The following GGT5 variants were observed in gnomAD, a reference collection of about 807,000 sequenced individuals.
GGT5 encodes glutathione hydrolase 5 proenzyme.
In GGT5, 50 loss-of-function variants were observed where a neutral mutation model predicts 58.1. The ratio of observed to expected loss-of-function variants is 0.86; its 90% confidence interval spans 0.69 to 1.09. The LOEUF is 1.09. Among genes scored for constraint, GGT5 ranks in the 50% least tolerant of loss-of-function variants. GGT5 has a pLI of 0.00. For missense variants in GGT5, 800 were observed against 789.4 expected, an observed-to-expected ratio of 1.01 and a Z score of -0.16; for synonymous variants, 370 against 346.1, an observed-to-expected ratio of 1.07 and a Z score of -0.77.
Position 24,245,008 on chromosome 22 carries a change from A to G in GGT5, c.-283T>C. 1 of 457,140 alleles carries G rather than the reference A, an allele frequency of 2.2e-6. No individual in the cohort carries two copies. Among genetic ancestry groups the G allele is most frequent in the Non-Finnish European group, 3.9e-6 (1 of 255,242 alleles). 28.3% of individuals were successfully genotyped at this position (457,140 alleles called of 1,614,324 possible). On this transcript the variant is annotated 5_prime_UTR_variant, in exon 1 of 12. Transcript: ENST00000327365. ...CTGAACAGCGGGCTGCCAGATGGAC[A>G]GATGGGTGAATGGACAGATGGCTGG...
chr22:24,225,049 T>TG lies in GGT5; in HGVS notation c.1560dup (p.Ile521HisfsTer75). ...CAGCCCTTGCTGTTGACATGCAGGATGGGGGCTGCAATGGCCGCTCTCAGG... is the reference window on the plus strand; with the variant it reads ...CAGCCCTTGCTGTTGACATGCAGGATGGGGGGCTGCAATGGCCGCTCTCAGG... On this transcript the variant is annotated frameshift_variant, in exon 11 of 12. Transcript: ENST00000327365. LOFTEE classifies it high-confidence loss of function. 1 of 1,601,902 alleles carries TG rather than the reference T, an allele frequency of 6.2e-7. No individual in the cohort carries two copies. Among genetic ancestry groups the TG allele is most frequent in the Non-Finnish European group, 8.5e-7 (1 of 1,174,238 alleles).
chr22:24,244,846 G>A lies in GGT5; in HGVS notation c.-121C>T. ...GGTAATTGGACAGATGGACAAACAG[G>A]TGGGGGCTGAAGACAGACACGAAGA... On this transcript the variant is annotated 5_prime_UTR_variant, in exon 1 of 12. Coordinates refer to ENST00000327365, the MANE Select transcript of GGT5 (RefSeq NM_004121.5). 1.4e-6 allele frequency: 2 copies of A among 1,447,302 alleles called. No homozygotes were observed. Among genetic ancestry groups the A allele is most frequent in the Non-Finnish European group, 9.1e-7 (1 of 1,100,172 alleles). The allele number at this position is 1,447,302 out of a possible 1,614,324, so 89.7% of individuals were successfully genotyped here.
At chr22:24,238,938 TAA>T (rs2048245065) in intron 1 of GGT5, among the ~76,000 whole-genome samples, 2 of 22,676 alleles carry the variant, frequency 8.8e-5, no homozygotes, top group East Asian at 1.3e-3. Context: ...ATATATTATA[TAA>T]TATATATATA....
chr22:24,230,868 C>T (rs1468018781), intron 6 of GGT5, among the ~76,000 whole-genome samples: 1 of 152,182 alleles, frequency 6.6e-6, no homozygotes, highest in Non-Finnish European at 1.5e-5. Context: ...ACCTAGATAT[C>T]GGGCTTCTGG....
At chr22:24,226,911 C>A (rs1161797926) in intron 6 of GGT5, 144 bp from the exon 7 acceptor site, 3 of 452,566 alleles carry the variant, frequency 6.6e-6, no homozygotes, top group East Asian at 3.6e-5. Context: ...ACAAGAGTGA[C>A]TAATACCTTA....
chr22:24,230,335 TCTA>T (rs2047900824), intron 6 of GGT5, among the ~76,000 whole-genome samples: 3 of 149,208 alleles, frequency 2.0e-5, no homozygotes, highest in Admixed American at 6.8e-5. Flanking sequence ...GCCATTGCAC[TCTA>T]GCCTGGGTGA....
chr22:24,233,675 G>T, intron 2 of GGT5, 82 bp from the exon 3 acceptor site: 2 of 897,328 alleles, frequency 2.2e-6, no homozygotes, highest in Non-Finnish European at 1.7e-6. Context: ...TTCCATCTCT[G>T]CATTATGAGA....
At chr22:24,238,344 A>G (rs1480295812) in intron 1 of GGT5, among the ~76,000 whole-genome samples, 3 of 152,040 alleles carry the variant, frequency 2.0e-5, no homozygotes, top group African/African-American at 7.2e-5. Context: ...AGTCTGGCGA[A>G]TATGGTGAAA....
chr22:24,238,846 TTA>T (rs1569371831), intron 1 of GGT5, among the ~76,000 whole-genome samples: 4 of 11,794 alleles, frequency 3.4e-4, no homozygotes, highest in African/African-American at 1.5e-3. Context: ...TATATATATA[TTA>T]TATATATTAT....
Position 24,225,242 on chromosome 22 carries a change from CACCTG to C in GGT5, c.1501_1503+2del. ...ACACTCGAGCCAGGAGCCCCAGACT[CACCTG>C]GGCCACAGCAGAGATGATGAGCTCC... is the stretch of plus-strand genomic sequence containing the variant. On this transcript the variant is annotated splice_donor_variant and coding_sequence_variant, in exon 10 of 12. Transcript: ENST00000327365. LOFTEE classifies it high-confidence loss of function. 1 of 1,612,560 alleles carries C rather than the reference CACCTG, an allele frequency of 6.2e-7. No homozygotes were observed. Among genetic ancestry groups the C allele is most frequent in the South Asian group, 1.1e-5 (1 of 91,050 alleles).
intron 6 of GGT5, 100 bp from the exon 7 acceptor site, chr22:24,226,867 A>G: frequency 1.0e-6 from 1 of 969,328 alleles, no homozygotes. Context: ...CCACATCCTA[A>G]TTCCCAAAAC....
chr22:24,237,252 G>A (rs1258907259), intron 1 of GGT5, among the ~76,000 whole-genome samples: 1 of 151,930 alleles, frequency 6.6e-6, no homozygotes, highest in Non-Finnish European at 1.5e-5. Flanking sequence ...ATGCCATAAT[G>A]CCCCACACGT....
upstream of GGT5, chr22:24,245,089 A>C (rs2048438662): frequency 4.5e-6 from 1 of 224,114 alleles, no homozygotes; most frequent in Admixed American, 5.2e-5. Context: ...GGCCAAACTC[A>C]CGCCTCAACT....
At chr22:24,234,421 G>T (rs990927601) in intron 1 of GGT5, among the ~76,000 whole-genome samples, 6 of 152,200 alleles carry the variant, frequency 3.9e-5, no homozygotes, top group Non-Finnish European at 8.8e-5. Flanking sequence ...ACTACTTCAA[G>T]GCTGGCCTTT....
At chr22:24,227,671 C>T (rs1199763116) in intron 6 of GGT5, among the ~76,000 whole-genome samples, 1 of 152,046 alleles carries the variant, frequency 6.6e-6, no homozygotes, top group African/African-American at 2.4e-5. Flanking sequence ...AGAGGAGAAA[C>T]CAGTATGATC....
chr22:24,219,918 G>A lies in GGT5; in HGVS notation c.*52C>T. Reference sequence around the variant, plus strand: ...TTGGTCCCCCAGCCATGTCCGGCCTGGACACAGGACTCATGGTGGGGCCAG... The same window carrying A: ...TTGGTCCCCCAGCCATGTCCGGCCTAGACACAGGACTCATGGTGGGGCCAG... On this transcript the variant is annotated 3_prime_UTR_variant, in exon 12 of 12. Transcript: ENST00000327365. 1 of 1,585,364 alleles carries A rather than the reference G, an allele frequency of 6.3e-7. No homozygotes were observed. Among genetic ancestry groups the A allele is most frequent in the Non-Finnish European group, 8.6e-7 (1 of 1,156,344 alleles).
chr22:24,226,532 C>T lies in GGT5; in HGVS notation c.1038+99G>A, dbSNP rs892004232. ...CCTGGCCTAGAACCACATACATATC[C>T]CTCCAACTTCCCCCTACCAGGCCTG... On this transcript the variant is annotated intron_variant, in intron 7 of 11. Transcript: ENST00000327365. 94 of 1,300,654 alleles carry T rather than the reference C, an allele frequency of 7.2e-5. 1 individual carries two copies. In the Admixed American group the frequency reaches 1.7e-3, roughly 24 times the overall value. The allele number at this position is 1,300,654 out of a possible 1,614,324, so 80.6% of individuals were successfully genotyped here. A position where few individuals can be genotyped will look rare whatever the true frequency, so the allele number is the denominator to read the frequency against.
intron 1 of GGT5, 83 bp from the exon 2 acceptor site, chr22:24,234,087 G>A: frequency 1.4e-6 from 2 of 1,384,818 alleles, no homozygotes; most frequent in Non-Finnish European, 2.0e-6. Context: ...ACTCATTGGA[G>A]AATGGTGACG....
At chr22:24,231,273 A>G in intron 6 of GGT5, 111 bp downstream of exon 6, 1 of 639,908 alleles carries the variant, frequency 1.6e-6, no homozygotes, top group Non-Finnish European at 2.6e-6. Flanking sequence ...CGGTTTATGG[A>G]GGAGGAGGCT....
Sources: gnomAD v4.1 joint callset for allele counts (sites outside exome capture counted in the v4.1 genomes callset) on GRCh38, gnomAD v4.1.1 for gene constraint, MANE v1.5 for transcripts, NCBI Gene and HGNC (gene_info 2026-07-23, HGNC 2026-07-21) for gene names.